Variants in ARHGEF37 observed in about 807,000 individuals in gnomAD.
The protein encoded by ARHGEF37 is Rho guanine nucleotide exchange factor (GEF) 37.
In ARHGEF37, 55 loss-of-function variants were observed where a neutral mutation model predicts 71.1. The observed-to-expected ratio is 0.77, with a 90% CI of 0.62 to 0.97. The LOEUF (loss-of-function observed/expected upper bound fraction) is 0.97. Ranked by LOEUF, ARHGEF37 falls within the 50% of genes least tolerant of loss-of-function variation. The pLI is 0.00. For missense variants in ARHGEF37, 765 were observed against 836.8 expected, an observed-to-expected ratio of 0.91 and a Z score of 1.06; for synonymous variants, 327 against 350.6, an observed-to-expected ratio of 0.93 and a Z score of 0.75.
intron 2 of ARHGEF37, among the ~76,000 whole-genome samples, chr5:149,598,816 G>T (rs915559864): frequency 1.0e-4 from 15 of 147,520 alleles, no homozygotes; most frequent in African/African-American, 3.8e-4. Context: ...ATATGTGTGT[G>T]TGTGTGTATA....
chr5:149,582,917 A>G (rs1244068078), intron 1 of ARHGEF37, among the ~76,000 whole-genome samples: 4 of 152,222 alleles, frequency 2.6e-5, no homozygotes, highest in Admixed American at 2.0e-4. Flanking sequence ...AAAATTATAA[A>G]CATGAAAAAA....
At chr5:149,589,184 T>G (rs1295448900) in intron 1 of ARHGEF37, among the ~76,000 whole-genome samples, 1 of 147,296 alleles carries the variant, frequency 6.8e-6, no homozygotes, top group African/African-American at 2.6e-5. Flanking sequence ...CAGAGTGAGA[T>G]CCTGTCTCTT....
intron 1 of ARHGEF37, among the ~76,000 whole-genome samples, chr5:149,559,830 C>T (rs1023089693): frequency 2.6e-5 from 4 of 152,218 alleles, no homozygotes; most frequent in African/African-American, 9.6e-5. Flanking sequence ...CCCCTATTCT[C>T]TCTCTCCCCC....
intron 4 of ARHGEF37, among the ~76,000 whole-genome samples, chr5:149,615,231 T>G (rs1177265714): frequency 6.6e-6 from 1 of 151,852 alleles, no homozygotes; most frequent in Non-Finnish European, 1.5e-5. Context: ...CATAGCTCAG[T>G]GTATCCTCGT....
intron 1 of ARHGEF37, among the ~76,000 whole-genome samples, chr5:149,587,323 C>T (rs1379875115): frequency 6.6e-6 from 1 of 152,102 alleles, no homozygotes; most frequent in Non-Finnish European, 1.5e-5. Flanking sequence ...TGTCTTTAGA[C>T]AACTTCATAC....
chr5:149,586,508 C>T (rs1026709254), intron 1 of ARHGEF37, among the ~76,000 whole-genome samples: 3 of 152,226 alleles, frequency 2.0e-5, no homozygotes, highest in Admixed American at 6.5e-5. Flanking sequence ...GGTGATCCAC[C>T]TGCCTCGGCC....
intron 2 of ARHGEF37, among the ~76,000 whole-genome samples, chr5:149,598,373 TCTTCCTCTTCTTC>T (rs1187080191): frequency 9.1e-6 from 1 of 109,748 alleles, no homozygotes; most frequent in African/African-American, 3.1e-5. Flanking sequence ...CTCTTCTTCC[TCTTCCTCTTCTTC>T]CTCTTCCTCT....
chr5:149,628,678 C>T, intron 11 of ARHGEF37, 131 bp from the exon 12 acceptor site: 1 of 1,244,892 alleles, frequency 8.0e-7, no homozygotes, highest in Non-Finnish European at 1.1e-6. Flanking sequence ...TTCAGGGTTC[C>T]TAGATGACCT....
At chr5:149,588,441 C>T (rs1243825797) in intron 1 of ARHGEF37, among the ~76,000 whole-genome samples, 4 of 152,096 alleles carry the variant, frequency 2.6e-5, no homozygotes, top group South Asian at 4.1e-4. Flanking sequence ...AGATTACAGG[C>T]GTGTGCTACC....
chr5:149,619,762 A>G (rs764525570), intron 7 of ARHGEF37, among the ~76,000 whole-genome samples: 13 of 152,332 alleles, frequency 8.5e-5, no homozygotes, highest in Non-Finnish European at 1.5e-4. Flanking sequence ...CATGTGGAAT[A>G]TGGACATGGG....
intron 2 of ARHGEF37, among the ~76,000 whole-genome samples, chr5:149,599,849 C>T (rs908897505): frequency 6.6e-6 from 1 of 152,060 alleles, no homozygotes; most frequent in Admixed American, 6.5e-5. Flanking sequence ...GAATGAAATA[C>T]CAATGTAGAT....
rs139150439 is a variant in ARHGEF37 at position 149,593,491 on chromosome 5, C to T, written c.-11-4268C>T. Among the ~76,000 whole-genome samples the T allele has an allele frequency of 1.6e-4, 24 of 152,292 alleles. No individual in the cohort carries two copies. The East Asian group carries it at 3.9e-3, about 24-fold the overall frequency. ...TTTAAGATTCATTCATGTTGTAGAA[C>T]ATATGAATACAGTTGATCCTTGAAC... On this transcript the variant is annotated intron_variant, in intron 1 of 12. Transcript: ENST00000333677.
At chr5:149,578,419 G>A (rs1226225003), upstream of ARHGEF37, among the ~76,000 whole-genome samples, 1 of 152,132 alleles carries the variant, frequency 6.6e-6, no homozygotes, top group East Asian at 1.9e-4. Flanking sequence ...AAATACCAAG[G>A]AAAGGGGCTG....
chr5:149,599,273 G>T (rs926452183), intron 2 of ARHGEF37, among the ~76,000 whole-genome samples: 3 of 152,210 alleles, frequency 2.0e-5, no homozygotes, highest in South Asian at 4.1e-4. Context: ...CCAGGCCCCC[G>T]AAGACAGGTG....
chr5:149,586,511 C>T (rs1763243027), intron 1 of ARHGEF37, among the ~76,000 whole-genome samples: 1 of 152,236 alleles, frequency 6.6e-6, no homozygotes, highest in African/African-American at 2.4e-5. Flanking sequence ...GATCCACCTG[C>T]CTCGGCCTCC....
intron 1 of ARHGEF37, among the ~76,000 whole-genome samples, chr5:149,586,853 GTCA>G (rs964950432): frequency 6.6e-6 from 1 of 152,208 alleles, no homozygotes; most frequent in East Asian, 1.9e-4. Flanking sequence ...ATGTAAGTAT[GTCA>G]CAAGAGACTG....
intron 1 of ARHGEF37, among the ~76,000 whole-genome samples, chr5:149,596,601 G>A (rs1412092076): frequency 2.0e-5 from 3 of 152,136 alleles, no homozygotes; most frequent in African/African-American, 4.8e-5. Context: ...CACCGCACCC[G>A]GGCCCTTGAT....
Position 149,632,119 on chromosome 5 carries a change from G to C in ARHGEF37, c.1956G>C (p.Arg652Ser). Residue 652 changes from arginine to serine, a missense_variant, in exon 13 of 13, where the codon AGG (arginine) becomes AGC (serine). This residue lies in a region of ARHGEF37 where 390 missense variants were observed against 407.4 expected (regional missense o/e 0.96). Coordinates refer to ENST00000333677, the MANE Select transcript of ARHGEF37 (RefSeq NM_001001669.3). Reference protein sequence around the residue: ...EWSLVEVNGQRGYVPSGFLAR... With the variant: ...EWSLVEVNGQSGYVPSGFLAR... ...GCCTGGTGGAAGTGAATGGACAGAG[G>C]GGTTATGTGCCTTCTGGCTTCTTGG... 6.2e-7 allele frequency: 1 copy of C among 1,614,286 alleles called. No individual in the cohort carries two copies. The highest frequency in any genetic ancestry group is 8.5e-7 in the Non-Finnish European group (1 of 1,180,060).
In ARHGEF37 at chr5:149,621,903, G is replaced by A; in HGVS notation, c.1176G>A (p.Arg392=). ...TGACCTACCAGGAGGAGGCCGCCCG[G>A]CACACATACCAGGCACTCAACTCGC... is the stretch of plus-strand genomic sequence containing the variant. ...GSVTYQEEAA[R]HTYQALNSLL... The change falls in exon 9 of 13, where the codon CGG becomes CGA. Residue 392 remains arginine, a synonymous_variant. Transcript: ENST00000333677. The A allele has an allele frequency of 6.2e-7, 1 of 1,614,234 alleles. No homozygotes were observed. Among genetic ancestry groups the A allele is most frequent in the Non-Finnish European group, 8.5e-7 (1 of 1,180,046 alleles).
Sources: gnomAD v4.1 joint callset for allele counts (sites outside exome capture counted in the v4.1 genomes callset) on GRCh38, gnomAD v4.1.1 for gene constraint, gnomAD v4.1.1 regional missense constraint, MANE v1.5 for transcripts, NCBI Gene and HGNC (gene_info 2026-07-23, HGNC 2026-07-21) for gene names.